SLIT3: variants seen among roughly 807,000 people sequenced by gnomAD.
SLIT3 encodes slit homolog 3 protein.
SLIT3 carries 68 observed loss-of-function variants against 184.0 expected under a neutral mutation model. The ratio of observed to expected loss-of-function variants is 0.37; its 90% CI spans 0.30 to 0.45. The LOEUF is 0.45. Ranked by LOEUF, SLIT3 falls within the 20% of genes least tolerant of loss-of-function variation. The pLI is 1.00. For missense variants in SLIT3, 1,707 were observed against 2,026.0 expected, an observed-to-expected ratio of 0.84 and a Z score of 3.02; for synonymous variants, 831 against 828.6, an observed-to-expected ratio of 1.00 and a Z score of -0.05.
chr5:169,222,914 G>C (rs6860430), intron 3 of SLIT3, among the ~76,000 whole-genome samples: 1 of 152,120 alleles, frequency 6.6e-6, no homozygotes, highest in African/African-American at 2.4e-5. Context: ...GCTGAGACAT[G>C]GGAGTTCACT....
intron 4 of SLIT3, among the ~76,000 whole-genome samples, chr5:168,897,646 G>GCGCGCACACACACACACACACA: frequency 7.8e-4 from 82 of 105,440 alleles, no homozygotes; most frequent in African/African-American, 3.3e-3. Context: ...ACAGGTGCAC[G>GCGCGCACACACACACACACACA]TACACACACA....
chr5:168,709,019 G>A (rs767963808), intron 25 of SLIT3, among the ~76,000 whole-genome samples: 21 of 152,068 alleles, frequency 1.4e-4, no homozygotes, highest in Non-Finnish European at 2.2e-4. Flanking sequence ...AGAGCTTTCA[G>A]TGCTAAAACC....
At chr5:169,237,752 A>AG (rs1384798327) in intron 3 of SLIT3, among the ~76,000 whole-genome samples, 3 of 152,206 alleles carry the variant, frequency 2.0e-5, no homozygotes, top group Admixed American at 6.5e-5. Flanking sequence ...TTTCCTTTAT[A>AG]GGGGGAGAGT....
At chr5:169,193,988 C>T (rs1408755107) in intron 3 of SLIT3, among the ~76,000 whole-genome samples, 3 of 152,078 alleles carry the variant, frequency 2.0e-5, no homozygotes, top group African/African-American at 7.2e-5. Context: ...AATCCCAGTA[C>T]TTTGAGAGGC....
chr5:168,871,765 C>A (rs1357362715), intron 5 of SLIT3, among the ~76,000 whole-genome samples: 1 of 152,106 alleles, frequency 6.6e-6, no homozygotes, highest in African/African-American at 2.4e-5. Flanking sequence ...TACTACTCTT[C>A]AAAACAACAT....
intron 3 of SLIT3, among the ~76,000 whole-genome samples, chr5:169,194,273 A>G (rs1355823151): frequency 6.7e-6 from 1 of 149,492 alleles, no homozygotes; most frequent in African/African-American, 2.5e-5. Context: ...GAAGAAAAAG[A>G]AACCTTAAAT....
intron 14 of SLIT3, among the ~76,000 whole-genome samples, chr5:168,766,957 T>C (rs1400943060): frequency 2.0e-5 from 3 of 152,164 alleles, no homozygotes; most frequent in Non-Finnish European, 1.5e-5. Flanking sequence ...TTCAAGGCAA[T>C]GGGGTTGTCC....
At chr5:168,975,945 C>G (rs1581261388) in intron 4 of SLIT3, among the ~76,000 whole-genome samples, 1 of 152,182 alleles carries the variant, frequency 6.6e-6, no homozygotes, top group African/African-American at 2.4e-5. Context: ...TCAACTCTAT[C>G]CCTGTAAAAG....
intron 7 of SLIT3, among the ~76,000 whole-genome samples, chr5:168,817,704 G>C (rs1404281807): frequency 6.6e-6 from 1 of 152,220 alleles, no homozygotes; most frequent in Non-Finnish European, 1.5e-5. Context: ...TTAATAGCAA[G>C]TCCACCCTCT....
chr5:169,068,740 C>T (rs1475032884), intron 4 of SLIT3, among the ~76,000 whole-genome samples: 1 of 152,072 alleles, frequency 6.6e-6, no homozygotes, highest in African/African-American at 2.4e-5. Context: ...ATGCACTAAG[C>T]ACACACAACA....
chr5:168,700,525 T>C, intron 27 of SLIT3, 57 bp downstream of exon 27: 2 of 1,216,542 alleles, frequency 1.6e-6, no homozygotes, highest in Non-Finnish European at 2.4e-6. Flanking sequence ...GGTATGTCTT[T>C]ATTAGCAGTG....
At chr5:169,173,571 A>G (rs1423059803) in intron 4 of SLIT3, among the ~76,000 whole-genome samples, 1 of 152,146 alleles carries the variant, frequency 6.6e-6, no homozygotes, top group Non-Finnish European at 1.5e-5. Context: ...TCCCAGTCTT[A>G]GGAATGCAAA....
At chr5:169,044,037 A>T (rs1305644036) in intron 4 of SLIT3, among the ~76,000 whole-genome samples, 1 of 152,194 alleles carries the variant, frequency 6.6e-6, no homozygotes, top group Non-Finnish European at 1.5e-5. Context: ...GAGTAGAGAG[A>T]AGTAGTAGAT....
chr5:169,123,735 G>C (rs1561680362), intron 4 of SLIT3, among the ~76,000 whole-genome samples: 1 of 152,150 alleles, frequency 6.6e-6, no homozygotes, highest in East Asian at 1.9e-4. Flanking sequence ...TGAAGACAAG[G>C]CACAATCAAA....
intron 8 of SLIT3, among the ~76,000 whole-genome samples, chr5:168,815,623 G>A (rs181863468): frequency 1.2e-3 from 190 of 152,330 alleles, no homozygotes; most frequent in African/African-American, 4.2e-3. Flanking sequence ...TCTATAGGAA[G>A]TTATTGAGGT....
At chr5:168,906,953 C>A (rs538874499) in intron 4 of SLIT3, among the ~76,000 whole-genome samples, 10 of 151,376 alleles carry the variant, frequency 6.6e-5, no homozygotes, top group Admixed American at 6.6e-4. Context: ...CTCCACCTCC[C>A]AGGTTCAAGC....
At position 168,871,177 on chromosome 5, in the gene SLIT3, T is replaced by TTC. The variant is rs200496570; in HGVS notation, c.485+12086_485+12087dup. Among the ~76,000 whole-genome samples, 1,413 of 152,246 alleles carry TTC rather than the reference T, an allele frequency of 9.3e-3. 10 individuals are homozygous for TTC. The highest frequency in any genetic ancestry group is 0.014 in the Middle Eastern group (4 of 294). On this transcript the variant is annotated intron_variant, in intron 5 of 35. Transcript: ENST00000519560. The stretch of plus-strand genomic sequence containing the variant: ...CTCCTTCCCTGAATCACGTGGTCTT[T>TTC]TCTCTCTCTCTGCTTCCAGCACATG...
At chr5:169,026,444 T>G (rs1389676790) in intron 4 of SLIT3, 1 of 152,138 alleles carries the variant, frequency 6.6e-6, no homozygotes, top group African/African-American at 2.4e-5. Flanking sequence ...CAAGCAAATA[T>G]CAGGGACCAC....
intron 29 of SLIT3, among the ~76,000 whole-genome samples, chr5:168,690,390 G>A (rs188167093): frequency 4.3e-4 from 65 of 152,230 alleles, no homozygotes; most frequent in African/African-American, 1.5e-3. Flanking sequence ...GTAAGCCTGT[G>A]TCCTCTGAGC....
Sources: allele counts gnomAD v4.1 joint callset (sites outside exome capture counted in the v4.1 genomes callset), GRCh38; gene constraint gnomAD v4.1.1; transcripts MANE v1.5; gene names NCBI Gene and HGNC (gene_info 2026-07-23, HGNC 2026-07-21).